Variants in PAK5 observed in about 807,000 individuals in gnomAD.
PAK5 encodes p21 (RAC1) activated kinase 5.
In PAK5, 16 loss-of-function variants were observed where a neutral mutation model predicts 65.9. That is an observed-to-expected ratio of 0.24 (90% CI 0.16 to 0.37). The LOEUF is 0.37. Among genes scored for constraint, PAK5 ranks in the 10% least tolerant of loss-of-function variants. The pLI is 1.00. For missense variants in PAK5, 785 were observed against 903.9 expected (o/e 0.87, Z 1.69); for synonymous variants, 371 against 354.9 (o/e 1.05, Z -0.51).
intron 1 of PAK5, among the ~76,000 whole-genome samples, chr20:9,732,009 A>T (rs1326519403): frequency 6.6e-6 from 1 of 152,206 alleles, no homozygotes; most frequent in Non-Finnish European, 1.5e-5. Context: ...GAATTCATTT[A>T]CATGGAAAAT....
rs189837100 is a variant in PAK5 at position 9,613,342 on chromosome 20, C to T, written c.204+30783G>A. 9.3e-4 allele frequency among the ~76,000 whole-genome samples: 142 copies of T among 152,336 alleles called. 1 individual carries two copies. Among genetic ancestry groups the T allele is most frequent in the African/African-American group, 3.3e-3 (139 of 41,588 alleles). On this transcript the variant is annotated intron_variant, in intron 3 of 9. Coordinates refer to ENST00000353224, the MANE Select transcript of PAK5 (RefSeq NM_177990.4). ...GGAGGATACAGAAGATCACAGCTTA[C>T]CAGAGCAGAAACCCACAGGCAGAAC...
In PAK5 at chr20:9,674,393, C is replaced by T. The variant is rs144305147; in HGVS notation, c.-11-30054G>A. Among the ~76,000 whole-genome samples the T allele has an allele frequency of 1.9e-3, 284 of 152,308 alleles. 1 individual carries two copies. The highest frequency in any genetic ancestry group is 6.6e-3 in the African/African-American group (273 of 41,580). ...CTTGAGACCCTATGTGTCCTGAAGT[C>T]AGTGTACTTGGGGATCAATACTAGA... On this transcript the variant is annotated intron_variant, in intron 2 of 9. Transcript: ENST00000353224.
chr20:9,776,333 G>A (rs1569083765), intron 1 of PAK5, among the ~76,000 whole-genome samples: 3 of 152,204 alleles, frequency 2.0e-5, no homozygotes, highest in Non-Finnish European at 4.4e-5. Context: ...TTAAACAGAT[G>A]TTTATCAAAG....
At position 9,715,168 on chromosome 20, in the gene PAK5, C is replaced by G. The variant is rs958157609; in HGVS notation, c.-161-3733G>C. Among the ~76,000 whole-genome samples, 1,036 of 152,132 alleles carry G rather than the reference C, an allele frequency of 6.8e-3. 16 individuals are homozygous for G. The highest frequency in any genetic ancestry group is 0.024 in the African/African-American group (987 of 41,530). On this transcript the variant is annotated intron_variant, in intron 1 of 9. Coordinates refer to ENST00000353224, the MANE Select transcript of PAK5 (RefSeq NM_177990.4). ...TCATTTGACAAAGGGCTAATATCCA[C>G]AATCTACAAAGAACTCAAACAAATT...
rs2122997251 is a variant in PAK5, at chr20:9,566,145, G to A, written c.1230C>T (p.Thr410=). Residue 410 remains threonine, a synonymous_variant, in exon 5 of 10, where the codon ACC becomes ACT. Transcript: ENST00000353224. ...AGGAGCCCCAGCTGGGCGGCGGGTAGGTGCTGGATGAGAGGCTGAGGGAGC... is the reference window on the plus strand; with the variant it reads ...AGGAGCCCCAGCTGGGCGGCGGGTAAGTGCTGGATGAGAGGCTGAGGGAGC... ...YLSSLSLSSS[T]YPPPSWGSSS... 1 of 1,613,976 alleles carries A rather than the reference G, an allele frequency of 6.2e-7. No individual in the cohort carries two copies. Among genetic ancestry groups the A allele is most frequent in the Non-Finnish European group, 8.5e-7 (1 of 1,179,946 alleles).
At chr20:9,789,917 A>T (rs1274131568) in intron 1 of PAK5, among the ~76,000 whole-genome samples, 3 of 152,146 alleles carry the variant, frequency 2.0e-5, no homozygotes, top group African/African-American at 7.2e-5. Context: ...ACCACAGGGG[A>T]TTGCAAAAAG....
chr20:9,572,253 T>C (rs543237108), intron 4 of PAK5, among the ~76,000 whole-genome samples: 381 of 152,314 alleles, frequency 2.5e-3, no homozygotes, highest in Admixed American at 4.4e-3. Flanking sequence ...TTCTGTAAGT[T>C]CTTTCAAGGA....
At chr20:9,624,065 A>G (rs766094963) in intron 3 of PAK5, among the ~76,000 whole-genome samples, 1 of 152,230 alleles carries the variant, frequency 6.6e-6, no homozygotes, top group Non-Finnish European at 1.5e-5. Flanking sequence ...TCTTGTAGTC[A>G]AGACAATTTT....
chr20:9,804,431 A>T, intron 1 of PAK5, among the ~76,000 whole-genome samples: 1 of 152,200 alleles, frequency 6.6e-6, no homozygotes, highest in East Asian at 1.9e-4. Context: ...TGGTCAGTTG[A>T]TTTATGACAA....
chr20:9,759,115 A>G (rs1275720235), intron 1 of PAK5, among the ~76,000 whole-genome samples: 14 of 152,160 alleles, frequency 9.2e-5, no homozygotes, highest in Non-Finnish European at 1.6e-4. Context: ...CAATCAAATA[A>G]GGAAGATTTC....
intron 3 of PAK5, among the ~76,000 whole-genome samples, chr20:9,630,396 T>C (rs1025103655): frequency 1.6e-4 from 24 of 152,080 alleles, no homozygotes; most frequent in African/African-American, 5.1e-4. Context: ...CCAGAAAACC[T>C]CAAGGAAGCA....
intron 5 of PAK5, among the ~76,000 whole-genome samples, chr20:9,564,871 G>A (rs538175293): frequency 7.2e-5 from 11 of 151,884 alleles, no homozygotes; most frequent in South Asian, 4.2e-4. Flanking sequence ...AATAGAATAC[G>A]TTAATATATT....
chr20:9,808,661 G>T (rs1156650317), intron 1 of PAK5, among the ~76,000 whole-genome samples: 1 of 152,128 alleles, frequency 6.6e-6, no homozygotes, highest in African/African-American at 2.4e-5. Context: ...TATATGAAAT[G>T]TTCAGAACAG....
At chr20:9,550,087 G>C (rs186238904) in intron 7 of PAK5, among the ~76,000 whole-genome samples, 244 of 152,272 alleles carry the variant, frequency 1.6e-3, no homozygotes, top group African/African-American at 5.6e-3. Context: ...ATGGAGACAC[G>C]GCGCTATAGT....
Position 9,565,956 on chromosome 20 carries a change from T to C in PAK5, c.1419A>G (p.Lys473=), listed in dbSNP as rs2122992543. The C allele has an allele frequency of 6.2e-7, 1 of 1,613,954 alleles. No individual in the cohort carries two copies. Among genetic ancestry groups the C allele is most frequent in the Non-Finnish European group, 8.5e-7 (1 of 1,179,924 alleles). ...GGTCCATTTTCTTCACTGCAACTTG[T>C]TTCCCTGTGTGTTTCTCGGTGGCGA... ...VCIATEKHTG[K]QVAVKKMDLR... The change falls in exon 5 of 10, where the codon AAA becomes AAG. Residue 473 remains lysine (K), a synonymous_variant. Transcript: ENST00000353224.
At chr20:9,587,847 G>A (rs1292296222) in intron 3 of PAK5, among the ~76,000 whole-genome samples, 3 of 152,146 alleles carry the variant, frequency 2.0e-5, no homozygotes, top group South Asian at 4.2e-4. Flanking sequence ...TGTATAAGAA[G>A]AGTCAGCATT....
intron 1 of PAK5, among the ~76,000 whole-genome samples, chr20:9,770,271 C>T (rs2048818410): frequency 6.6e-6 from 1 of 151,956 alleles, no homozygotes; most frequent in South Asian, 2.1e-4. Context: ...TGCAGATGTG[C>T]GGTTGACAGT....
chr20:9,574,492 T>C (rs2045850708), intron 4 of PAK5, among the ~76,000 whole-genome samples: 4 of 152,222 alleles, frequency 2.6e-5, no homozygotes, highest in Admixed American at 2.0e-4. Context: ...GGAGGGACTC[T>C]TCGTCTTTGG....
intron 1 of PAK5, chr20:9,818,769 C>T (rs1009721439): frequency 6.6e-6 from 1 of 152,138 alleles, no homozygotes; most frequent in African/African-American, 2.4e-5. Flanking sequence ...TCCACTTTCT[C>T]TAGAATGCAT....
Sources: gnomAD v4.1 joint callset for allele counts (sites outside exome capture counted in the v4.1 genomes callset) on GRCh38, gnomAD v4.1.1 for gene constraint, MANE v1.5 for transcripts, NCBI Gene and HGNC (gene_info 2026-07-23, HGNC 2026-07-21) for gene names.